Variants in TTC27 observed in about 807,000 individuals in gnomAD.
TTC27 encodes tetratricopeptide repeat protein 27.
TTC27 carries 79 observed loss-of-function variants against 115.9 expected under a neutral mutation model. That is an observed-to-expected ratio of 0.68 (90% CI 0.57 to 0.82). The LOEUF (loss-of-function observed/expected upper bound fraction) is 0.82. Ranked by LOEUF, TTC27 falls within the 40% of genes least tolerant of loss-of-function variation. The pLI is 0.00. For synonymous variants in TTC27, 401 were observed against 356.0 expected, an observed-to-expected ratio of 1.13 and a Z score of -1.42; for missense variants, 1,054 against 993.1, an observed-to-expected ratio of 1.06 and a Z score of -0.82.
intron 12 of TTC27, 49 bp from the exon 13 acceptor site, chr2:32,758,243 A>G (rs80259233): frequency 5.3e-6 from 8 of 1,516,902 alleles, no homozygotes; most frequent in Middle Eastern, 1.8e-4. Flanking sequence ...AAAAAAAAAA[A>G]TAGCAGTTAA....
At chr2:32,754,382 A>G (rs1423265785) in intron 12 of TTC27, among the ~76,000 whole-genome samples, 2 of 149,198 alleles carry the variant, frequency 1.3e-5, no homozygotes, top group African/African-American at 5.0e-5. Flanking sequence ...TCTGTTTAAC[A>G]AAGCACATCT....
At chr2:32,728,456 G>T (rs961800357) in intron 10 of TTC27, among the ~76,000 whole-genome samples, 3 of 152,110 alleles carry the variant, frequency 2.0e-5, no homozygotes, top group African/African-American at 7.2e-5. Context: ...AAAGTCTGTC[G>T]TTTCTGGGGC....
chr2:32,662,104 C>T (rs1665569744), intron 5 of TTC27, among the ~76,000 whole-genome samples: 1 of 152,146 alleles, frequency 6.6e-6, no homozygotes, highest in Non-Finnish European at 1.5e-5. Flanking sequence ...GCCTTGCATC[C>T]TGGGGATGAA....
chr2:32,668,885 C>G (rs1665901059), intron 7 of TTC27, among the ~76,000 whole-genome samples: 1 of 151,962 alleles, frequency 6.6e-6, no homozygotes, highest in African/African-American at 2.4e-5. Flanking sequence ...GGAGACCATC[C>G]TGGCTAACAC....
intron 16 of TTC27, among the ~76,000 whole-genome samples, chr2:32,800,544 C>T (rs1457010959): frequency 2.0e-5 from 3 of 151,948 alleles, no homozygotes; most frequent in Admixed American, 1.3e-4. Flanking sequence ...GTCGCCCAGG[C>T]TGGAGTGCAG....
chr2:32,772,870 C>G (rs575945618), intron 13 of TTC27, among the ~76,000 whole-genome samples: 1 of 152,106 alleles, frequency 6.6e-6, no homozygotes, highest in Non-Finnish European at 1.5e-5. Context: ...ATCTGGAGAA[C>G]TCAGGAATTT....
At chr2:32,638,884 G>C (rs181883512) in intron 3 of TTC27, among the ~76,000 whole-genome samples, 221 of 152,036 alleles carry the variant, frequency 1.5e-3, no homozygotes, top group African/African-American at 5.2e-3. Flanking sequence ...CCAGGCTGGA[G>C]TGCAGTGGCA....
At chr2:32,643,191 G>A (rs1373272868) in intron 4 of TTC27, among the ~76,000 whole-genome samples, 1 of 152,050 alleles carries the variant, frequency 6.6e-6, no homozygotes, top group East Asian at 1.9e-4. Context: ...ATGAGGCTTC[G>A]TCTTTTGAGC....
intron 12 of TTC27, among the ~76,000 whole-genome samples, chr2:32,752,977 C>G (rs1388815024): frequency 6.6e-6 from 1 of 152,164 alleles, no homozygotes; most frequent in Admixed American, 6.5e-5. Context: ...CAACAGCAAT[C>G]ATTTGTTTCC....
chr2:32,683,181 G>T (rs1369151812), intron 9 of TTC27, among the ~76,000 whole-genome samples: 2 of 151,940 alleles, frequency 1.3e-5, no homozygotes, highest in Admixed American at 1.3e-4. Flanking sequence ...GTAGAGATGG[G>T]GTTTCACTAT....
chr2:32,797,097 C>G (rs894383732), intron 16 of TTC27, among the ~76,000 whole-genome samples: 7 of 148,952 alleles, frequency 4.7e-5, no homozygotes, highest in African/African-American at 7.5e-5. Flanking sequence ...TCGCTTGAAC[C>G]TGGGAGGCAG....
At chr2:32,751,250 A>G (rs1289519084) in intron 12 of TTC27, among the ~76,000 whole-genome samples, 1 of 139,566 alleles carries the variant, frequency 7.2e-6, no homozygotes, top group Non-Finnish European at 1.5e-5. Context: ...TTAAATGGGT[A>G]GGTTAAACCA....
intron 10 of TTC27, among the ~76,000 whole-genome samples, chr2:32,727,277 G>T (rs1241412926): frequency 6.6e-6 from 1 of 152,196 alleles, no homozygotes; most frequent in Non-Finnish European, 1.5e-5. Context: ...TTTGTGAAAT[G>T]TGTCCACATT....
In TTC27 at chr2:32,710,676, G is replaced by A. The variant is rs188525275; in HGVS notation, c.1233+7756G>A. Among the ~76,000 whole-genome samples the A allele has an allele frequency of 3.2e-3, 489 of 151,822 alleles. 2 individuals carry two copies. Among genetic ancestry groups the A allele is most frequent in the African/African-American group, 0.011 (443 of 41,394 alleles). On this transcript the variant is annotated intron_variant, in intron 10 of 19. Coordinates refer to ENST00000317907, the MANE Select transcript of TTC27 (RefSeq NM_017735.5). ...ACTCCTGACCTCAAGTGATCTGCCTGCCTCAGCCTCCCAAAGTGCTGGGAT... is the reference window on the plus strand; with the variant it reads ...ACTCCTGACCTCAAGTGATCTGCCTACCTCAGCCTCCCAAAGTGCTGGGAT...
chr2:32,663,968 C>G (rs1055453432), intron 5 of TTC27, among the ~76,000 whole-genome samples: 7 of 151,506 alleles, frequency 4.6e-5, no homozygotes, highest in African/African-American at 1.5e-4. Context: ...CAGGCGTGAG[C>G]CACTGCGCCC....
intron 12 of TTC27, among the ~76,000 whole-genome samples, chr2:32,742,899 T>G (rs539448057): frequency 2.0e-5 from 3 of 152,316 alleles, no homozygotes; most frequent in African/African-American, 7.2e-5. Flanking sequence ...GCACACACTT[T>G]TTAAAAATTT....
intron 8 of TTC27, among the ~76,000 whole-genome samples, chr2:32,676,397 A>G (rs1475153767): frequency 6.6e-6 from 1 of 151,744 alleles, no homozygotes; most frequent in African/African-American, 2.4e-5. Context: ...AAAAATTATT[A>G]TATAAACAAT....
intron 12 of TTC27, among the ~76,000 whole-genome samples, chr2:32,749,941 T>C (rs983443345): frequency 2.0e-5 from 3 of 152,072 alleles, no homozygotes; most frequent in African/African-American, 7.2e-5. Flanking sequence ...CTTAGGCCTG[T>C]TTTATGGAAG....
At chr2:32,669,754 T>C (rs550816919) in intron 7 of TTC27, among the ~76,000 whole-genome samples, 47 of 151,406 alleles carry the variant, frequency 3.1e-4, no homozygotes, top group African/African-American at 1.1e-3. Flanking sequence ...GGCGTGGTGG[T>C]GTGTGCCTGT....
Sources: gnomAD v4.1 joint callset for allele counts (sites outside exome capture counted in the v4.1 genomes callset) on GRCh38, gnomAD v4.1.1 for gene constraint, MANE v1.5 for transcripts, NCBI Gene and HGNC (gene_info 2026-07-23, HGNC 2026-07-21) for gene names.